Variants in WDPCP observed in about 807,000 individuals in gnomAD.
WDPCP encodes WD repeat containing planar cell polarity effector.
A neutral mutation model predicts 93.1 loss-of-function variants in WDPCP; 71 were observed. That is an observed-to-expected ratio of 0.76 (90% confidence interval 0.63 to 0.93). WDPCP has a LOEUF of 0.93. WDPCP is among the 40% of genes least tolerant of loss of function. WDPCP has a pLI of 0.00. For missense variants in WDPCP, 844 were observed against 887.4 expected, an observed-to-expected ratio of 0.95 and a Z score of 0.62; for synonymous variants, 315 against 315.0, an observed-to-expected ratio of 1.00 and a Z score of 0.00.
At chr2:63,632,745 T>C (rs1302990358) in intron 3 of WDPCP, among the ~76,000 whole-genome samples, 3 of 152,068 alleles carry the variant, frequency 2.0e-5, no homozygotes, top group African/African-American at 7.2e-5. Flanking sequence ...AGCAGCCCAA[T>C]GTATACATTA....
intron 2 of WDPCP, among the ~76,000 whole-genome samples, chr2:63,782,141 C>G (rs538587780): frequency 1.6e-4 from 25 of 151,974 alleles, no homozygotes; most frequent in African/African-American, 5.3e-4. Flanking sequence ...ACCTGTATCT[C>G]GCACCATATT....
intron 6 of WDPCP, among the ~76,000 whole-genome samples, chr2:63,450,141 T>C (rs1053461525): frequency 6.6e-6 from 1 of 152,108 alleles, no homozygotes; most frequent in Non-Finnish European, 1.5e-5. Flanking sequence ...GGCTCACACA[T>C]AGAAACCAGG....
intron 14 of WDPCP, among the ~76,000 whole-genome samples, chr2:63,202,361 T>C (rs1675980315): frequency 6.6e-6 from 1 of 152,098 alleles, no homozygotes; most frequent in Non-Finnish European, 1.5e-5. Flanking sequence ...TGATTGAAGT[T>C]TCATTTGTTG....
chr2:63,786,153 C>A (rs1024869975), intron 2 of WDPCP, among the ~76,000 whole-genome samples: 1 of 152,056 alleles, frequency 6.6e-6, no homozygotes, highest in Admixed American at 6.6e-5. Flanking sequence ...AATCCTTTTA[C>A]CTTAGCCTCA....
At chr2:63,529,444 A>G (rs913371752) in intron 1 of WDPCP, among the ~76,000 whole-genome samples, 8 of 152,244 alleles carry the variant, frequency 5.3e-5, no homozygotes, top group East Asian at 3.9e-4. Context: ...AATTTTGTCA[A>G]AGGCCTTTTC....
intron 14 of WDPCP, among the ~76,000 whole-genome samples, chr2:63,196,631 T>C (rs1467497961): frequency 6.6e-6 from 1 of 152,144 alleles, no homozygotes; most frequent in Non-Finnish European, 1.5e-5. Flanking sequence ...AATATCAAGA[T>C]AACAAGAGAA....
rs371478858 is a variant in WDPCP, at chr2:63,808,911, G to C, written n.308+4711C>G. Among the ~76,000 whole-genome samples the C allele has an allele frequency of 3.2e-4, 48 of 151,710 alleles. No individual in the cohort carries two copies. In the East Asian group the frequency reaches 6.8e-3, roughly 22 times the overall value. ...TAGGAAATGAGGAGCGCCTCTTCCC[G>C]GCCGCCATCCCATCTAGGAAGTGAG... On this transcript the variant is annotated intron_variant and non_coding_transcript_variant, in intron 2 of 4. Coordinates refer to the WDPCP transcript ENST00000467687.
At chr2:63,621,283 A>G (rs1045642343) in intron 3 of WDPCP, among the ~76,000 whole-genome samples, 21 of 152,118 alleles carry the variant, frequency 1.4e-4, no homozygotes, top group African/African-American at 5.1e-4. Context: ...CCTTGAAAAA[A>G]GGTTAGAGGA....
chr2:63,655,198 C>T (rs572027254), intron 2 of WDPCP, among the ~76,000 whole-genome samples: 8 of 152,290 alleles, frequency 5.3e-5, no homozygotes, highest in African/African-American at 1.9e-4. Context: ...GCTCATAACC[C>T]AGAGAAAGTG....
At chr2:63,619,869 G>A (rs1309104264) in intron 3 of WDPCP, among the ~76,000 whole-genome samples, 1 of 152,206 alleles carries the variant, frequency 6.6e-6, no homozygotes, top group Non-Finnish European at 1.5e-5. Flanking sequence ...GGCCCATGGA[G>A]AGCAAGCCAA....
intron 1 of WDPCP, among the ~76,000 whole-genome samples, chr2:63,542,726 T>C (rs561330167): frequency 6.6e-6 from 1 of 152,266 alleles, no homozygotes; most frequent in Admixed American, 6.5e-5. Context: ...ATATATATCA[T>C]CAAACAAACC....
At chr2:63,138,874 C>T (rs1389694516) in intron 17 of WDPCP, among the ~76,000 whole-genome samples, 1 of 151,964 alleles carries the variant, frequency 6.6e-6, no homozygotes, top group Non-Finnish European at 1.5e-5. Context: ...CCCCCAAGTC[C>T]CCAAAGTCCT....
chr2:63,498,212 T>C (rs11885358), intron 1 of WDPCP, among the ~76,000 whole-genome samples: 10,483 of 152,264 alleles, frequency 0.069, 1,096 homozygotes, highest in African/African-American at 0.23. Context: ...TTTCTAACTT[T>C]TACAATTTCC....
At chr2:63,475,971 A>G (rs1699950190) in intron 6 of WDPCP, among the ~76,000 whole-genome samples, 1 of 152,056 alleles carries the variant, frequency 6.6e-6, no homozygotes, top group African/African-American at 2.4e-5. Flanking sequence ...GCGGTTCCAT[A>G]CTTCCAATAA....
chr2:63,563,504 C>T (rs1415912076), intron 1 of WDPCP, among the ~76,000 whole-genome samples: 1 of 149,934 alleles, frequency 6.7e-6, no homozygotes, highest in Admixed American at 6.6e-5. Flanking sequence ...GTAGATGGGG[C>T]AAATCCATAG....
At chr2:63,265,678 TG>T (rs781370725) in intron 13 of WDPCP, among the ~76,000 whole-genome samples, 5 of 152,194 alleles carry the variant, frequency 3.3e-5, no homozygotes, top group Non-Finnish European at 7.4e-5. Flanking sequence ...AGCATTACCC[TG>T]ATACCAAAGC....
Position 63,623,756 on chromosome 2 carries a change from C to T in WDPCP, n.488+26903G>A, listed in dbSNP as rs149027844. ...AATAGTGGGAGTCTTTAACACCCCA[C>T]TGTCAATATCAGACAGATCAACAAG... On this transcript the variant is annotated intron_variant and non_coding_transcript_variant, in intron 3 of 4. Transcript: ENST00000467687. Among the ~76,000 whole-genome samples, 330 of 152,264 alleles carry T rather than the reference C, an allele frequency of 2.2e-3. 2 individuals carry two copies. The highest frequency in any genetic ancestry group is 7.4e-3 in the African/African-American group (307 of 41,552).
intron 13 of WDPCP, among the ~76,000 whole-genome samples, chr2:63,312,578 A>G (rs1224324759): frequency 6.6e-6 from 1 of 152,246 alleles, no homozygotes; most frequent in Admixed American, 6.5e-5. Context: ...GCTGTCTAAC[A>G]GAATATGCTG....
chr2:63,458,865 T>C (rs535798779), intron 6 of WDPCP, among the ~76,000 whole-genome samples: 8 of 152,160 alleles, frequency 5.3e-5, no homozygotes, highest in Admixed American at 2.0e-4. Flanking sequence ...CAGCATGATA[T>C]TCGTGTAACA....
Sources: allele counts gnomAD v4.1 joint callset (sites outside exome capture counted in the v4.1 genomes callset), GRCh38; gene constraint gnomAD v4.1.1; transcripts MANE v1.5; gene names NCBI Gene and HGNC (gene_info 2026-07-23, HGNC 2026-07-21).